Variants in TMEM132C observed in about 807,000 individuals in gnomAD.
The protein encoded by TMEM132C is transmembrane protein 132C.
In TMEM132C, 29 loss-of-function variants were observed where a neutral mutation model predicts 61.4. The observed-to-expected ratio is 0.47, with a 90% CI of 0.35 to 0.64. The LOEUF (loss-of-function observed/expected upper bound fraction) is 0.64, where lower values mean the gene tolerates loss of function less well. Ranked by LOEUF, TMEM132C falls within the 30% of genes least tolerant of loss-of-function variation. The pLI, the probability that TMEM132C is intolerant of heterozygous loss-of-function variation, is 0.00. For missense variants in TMEM132C, 1,408 were observed against 1,476.9 expected, an observed-to-expected ratio of 0.95 and a Z score of 0.76; for synonymous variants, 656 against 633.1, an observed-to-expected ratio of 1.04 and a Z score of -0.54.
intron 2 of TMEM132C, among the ~76,000 whole-genome samples, chr12:128,425,804 T>G (rs1482602151): frequency 6.6e-6 from 1 of 152,210 alleles, no homozygotes; most frequent in Non-Finnish European, 1.5e-5. Flanking sequence ...TGTCTCAATA[T>G]CCCTGTCCTT....
At position 128,267,367 on chromosome 12, in the gene TMEM132C, G is replaced by C. The variant is rs1326310756; in HGVS notation, c.-36G>C. On this transcript the variant is annotated 5_prime_UTR_variant, in exon 1 of 9. Coordinates refer to ENST00000435159, the MANE Select transcript of TMEM132C (RefSeq NM_001136103.3). ...GCCGCGGGCGGGCGCTGCGCTTCGG[G>C]CTGGCGGCGGGCTGCGTGAGCGGCC... 7 of 1,039,422 alleles carry C rather than the reference G, an allele frequency of 6.7e-6. No individual in the cohort carries two copies. Among genetic ancestry groups the C allele is most frequent in the African/African-American group, 1.7e-5 (1 of 57,894 alleles). The allele number at this position is 1,039,422 out of a possible 1,614,324, so 64.4% of individuals were successfully genotyped here.
At chr12:128,327,171 G>A (rs540732173) in intron 1 of TMEM132C, among the ~76,000 whole-genome samples, 2 of 149,954 alleles carry the variant, frequency 1.3e-5, no homozygotes, top group Non-Finnish European at 2.9e-5. Flanking sequence ...TGCTTAATAA[G>A]GAAGACAGGT....
At chr12:128,481,529 G>A (rs1040456582) in intron 2 of TMEM132C, among the ~76,000 whole-genome samples, 2 of 152,192 alleles carry the variant, frequency 1.3e-5, no homozygotes, top group African/African-American at 2.4e-5. Flanking sequence ...CCATAAGCAC[G>A]CTTGTTACCC....
intron 2 of TMEM132C, among the ~76,000 whole-genome samples, chr12:128,521,197 C>G (rs892634551): frequency 2.0e-5 from 3 of 152,138 alleles, no homozygotes; most frequent in Non-Finnish European, 4.4e-5. Flanking sequence ...GCTCCACCAT[C>G]CTCAAAGTGA....
chr12:128,522,284 G>A (rs1872931241), intron 2 of TMEM132C, among the ~76,000 whole-genome samples: 1 of 152,176 alleles, frequency 6.6e-6, no homozygotes. Context: ...GTGGGTATTT[G>A]AGGAGCCACA....
At chr12:128,310,431 T>C (rs1247114189) in intron 1 of TMEM132C, among the ~76,000 whole-genome samples, 2 of 152,154 alleles carry the variant, frequency 1.3e-5, no homozygotes, top group African/African-American at 4.8e-5. Flanking sequence ...TGGCATCTGC[T>C]TGACTTCTGG....
intron 3 of TMEM132C, among the ~76,000 whole-genome samples, chr12:128,556,603 T>C (rs542430738): frequency 1.3e-5 from 2 of 152,312 alleles, no homozygotes; most frequent in South Asian, 4.1e-4. Flanking sequence ...TCTTCTCCCC[T>C]TGAAACTGGG....
intron 4 of TMEM132C, among the ~76,000 whole-genome samples, chr12:128,656,016 A>G (rs1442305263): frequency 2.0e-5 from 3 of 152,152 alleles, no homozygotes; most frequent in Admixed American, 6.5e-5. Flanking sequence ...GGCTTCTCCT[A>G]TCTTACCTTC....
chr12:128,589,900 G>A (rs546861791), intron 3 of TMEM132C, among the ~76,000 whole-genome samples: 6 of 152,260 alleles, frequency 3.9e-5, no homozygotes, highest in African/African-American at 9.6e-5. Context: ...GTCACTGCAC[G>A]TGCAGTGCTT....
intron 8 of TMEM132C, among the ~76,000 whole-genome samples, chr12:128,701,061 G>T (rs781005734): frequency 6.5e-4 from 99 of 152,112 alleles, no homozygotes; most frequent in Non-Finnish European, 1.2e-3. Flanking sequence ...ACTGTATGCC[G>T]GTCTAGAAAG....
chr12:128,347,095 A>T (rs1873181911), intron 1 of TMEM132C, among the ~76,000 whole-genome samples: 1 of 152,076 alleles, frequency 6.6e-6, no homozygotes, highest in Non-Finnish European at 1.5e-5. Context: ...CTTCCCCCTG[A>T]GTCCCCAAAG....
At chr12:128,549,705 A>G (rs563540978) in intron 3 of TMEM132C, among the ~76,000 whole-genome samples, 118 of 152,246 alleles carry the variant, frequency 7.8e-4, no homozygotes, top group African/African-American at 2.8e-3. Flanking sequence ...GGGCACTTGA[A>G]TGAGTGAGGA....
chr12:128,452,268 T>G (rs1051295807), intron 2 of TMEM132C, among the ~76,000 whole-genome samples: 3 of 151,852 alleles, frequency 2.0e-5, no homozygotes, highest in Non-Finnish European at 2.9e-5. Context: ...CAGCTAATTT[T>G]TGTGTTTTTT....
At chr12:128,439,365 C>T (rs12310033) in intron 2 of TMEM132C, among the ~76,000 whole-genome samples, 1 of 152,086 alleles carries the variant, frequency 6.6e-6, no homozygotes, top group Non-Finnish European at 1.5e-5. Flanking sequence ...GATATTGCCA[C>T]CTCCCTGAGG....
chr12:128,489,687 C>G (rs1871643836), intron 2 of TMEM132C, among the ~76,000 whole-genome samples: 1 of 151,452 alleles, frequency 6.6e-6, no homozygotes, highest in Non-Finnish European at 1.5e-5. Context: ...CACTCAGACT[C>G]ATATATATAT....
chr12:128,597,601 G>A (rs1436705759), intron 3 of TMEM132C, among the ~76,000 whole-genome samples: 3 of 152,238 alleles, frequency 2.0e-5, no homozygotes, highest in Non-Finnish European at 2.9e-5. Context: ...TAATATAGAT[G>A]TGTTCATCCC....
intron 1 of TMEM132C, among the ~76,000 whole-genome samples, chr12:128,289,549 C>G (rs752762501): frequency 1.3e-5 from 2 of 152,214 alleles, no homozygotes; most frequent in Non-Finnish European, 2.9e-5. Flanking sequence ...CATGCAAGCA[C>G]ACACACTCAC....
At chr12:128,574,433 A>G (rs79561133) in intron 3 of TMEM132C, among the ~76,000 whole-genome samples, 3,072 of 152,288 alleles carry the variant, frequency 0.02, 99 homozygotes, top group African/African-American at 0.07. Context: ...TCTCCTGTTT[A>G]CAGATGAGGA....
At chr12:128,622,355 AAAAAAATAT>A (rs1256679979) in intron 4 of TMEM132C, among the ~76,000 whole-genome samples, 4 of 62,788 alleles carry the variant, frequency 6.4e-5, no homozygotes, top group African/African-American at 1.9e-4. Context: ...AAAAAAAAAA[AAAAAAATAT>A]ATATATATAT....
Sources: gnomAD v4.1 joint callset for allele counts (sites outside exome capture counted in the v4.1 genomes callset) on GRCh38, gnomAD v4.1.1 for gene constraint, MANE v1.5 for transcripts, NCBI Gene and HGNC (gene_info 2026-07-23, HGNC 2026-07-21) for gene names.